The following LMNB2 variants were observed in gnomAD, a reference collection of about 807,000 sequenced individuals.
LMNB2 encodes lamin B2.
In LMNB2, 17 loss-of-function variants were observed where a neutral mutation model predicts 69.3. The ratio of observed to expected loss-of-function variants is 0.25; its 90% CI spans 0.17 to 0.37. The LOEUF (loss-of-function observed/expected upper bound fraction) is 0.37, where lower values mean the gene tolerates loss of function less well. LMNB2 is among the 10% of genes least tolerant of loss of function. The pLI, the probability that LMNB2 is intolerant of heterozygous loss-of-function variation, is 1.00. For synonymous variants in LMNB2, 397 were observed against 389.3 expected, an observed-to-expected ratio of 1.02 and a Z score of -0.23; for missense variants, 789 against 883.6, an observed-to-expected ratio of 0.89 and a Z score of 1.36.
rs1312582962 is a variant in LMNB2 at position 2,456,265 on chromosome 19, C to T, written c.264+405G>A. On this transcript the variant is annotated intron_variant, in intron 1 of 11. Transcript: ENST00000325327. Reference sequence around the variant, plus strand: ...GTGGGCTGGGCCTAGCCGAGCAGCACCCCTCACTCAGAAGCCCCCAAACCT... The same window carrying T: ...GTGGGCTGGGCCTAGCCGAGCAGCATCCCTCACTCAGAAGCCCCCAAACCT... Among the ~76,000 whole-genome samples the T allele has an allele frequency of 2.0e-5, 3 of 150,982 alleles. No individual in the cohort carries two copies. In the East Asian group the frequency reaches 5.9e-4, roughly 30 times the overall value.
At chr19:2,450,221 C>T (rs528320480) in intron 1 of LMNB2, among the ~76,000 whole-genome samples, 2 of 152,160 alleles carry the variant, frequency 1.3e-5, no homozygotes, top group South Asian at 4.1e-4. Flanking sequence ...CATCCTACTG[C>T]ACACCTGCCC....
At chr19:2,438,046 T>TA in intron 4 of LMNB2, 117 bp downstream of exon 4, 1 of 1,488,062 alleles carries the variant, frequency 6.7e-7, no homozygotes, top group Non-Finnish European at 9.3e-7. Flanking sequence ...GGAGCCTCCC[T>TA]AGAGCCGTGG....
chr19:2,448,334 A>G (rs575965681), intron 1 of LMNB2, among the ~76,000 whole-genome samples: 1 of 152,338 alleles, frequency 6.6e-6, no homozygotes, highest in South Asian at 2.1e-4. Context: ...TGGGGGTCAC[A>G]CACGAGCTCT....
At chr19:2,450,083 G>T (rs1599341154) in intron 1 of LMNB2, among the ~76,000 whole-genome samples, 1 of 127,656 alleles carries the variant, frequency 7.8e-6, no homozygotes, top group South Asian at 2.7e-4. Flanking sequence ...TCAAAAAAAA[G>T]AAAATAAAAT....
intron 11 of LMNB2, among the ~76,000 whole-genome samples, chr19:2,431,341 C>T (rs982869479): frequency 2.6e-5 from 4 of 152,176 alleles, no homozygotes; most frequent in East Asian, 1.9e-4. Context: ...TCTGTGATGT[C>T]GCAAATTCAC....
chr19:2,435,197 C>T, intron 4 of LMNB2, 26 bp from the exon 5 acceptor site: 2 of 1,597,366 alleles, frequency 1.3e-6, no homozygotes, highest in Non-Finnish European at 1.7e-6. Context: ...TCGTGACCCT[C>T]TGGTCCCGCC....
At chr19:2,452,415 CAG>C (rs1381270121) in intron 1 of LMNB2, among the ~76,000 whole-genome samples, 5 of 150,680 alleles carry the variant, frequency 3.3e-5, no homozygotes, top group Non-Finnish European at 5.9e-5. Context: ...GCCTGGGCGA[CAG>C]AGAGAGACTC....
chr19:2,438,032 G>C (rs1471199863), intron 4 of LMNB2, 131 bp downstream of exon 4: 8 of 1,385,312 alleles, frequency 5.8e-6, no homozygotes. Flanking sequence ...CTAAGAGGCA[G>C]GAAGGAGCCT....
At chr19:2,436,620 C>A (rs1379291461) in intron 4 of LMNB2, among the ~76,000 whole-genome samples, 6 of 144,150 alleles carry the variant, frequency 4.2e-5, no homozygotes, top group African/African-American at 5.1e-5. Context: ...TGCACTGCCG[C>A]CCTCCCACCC....
At chr19:2,441,518 G>T (rs60264467) in intron 2 of LMNB2, among the ~76,000 whole-genome samples, 2 of 152,310 alleles carry the variant, frequency 1.3e-5, no homozygotes, top group Admixed American at 1.3e-4. Flanking sequence ...AGGCCCTTTC[G>T]CTCAGAGGGC....
intron 4 of LMNB2, among the ~76,000 whole-genome samples, chr19:2,437,480 T>C (rs1367474963): frequency 6.6e-6 from 1 of 152,152 alleles, no homozygotes; most frequent in Non-Finnish European, 1.5e-5. Context: ...AGGCAAGAAA[T>C]CAAAATAGAC....
In LMNB2 at chr19:2,447,283, C is replaced by A. The variant is rs915000966; in HGVS notation, c.265-2743G>T. ...AGGTTCTGACACCACAGTGTGGATG[C>A]CCCTTGAGGATGTCACACTCATGAG... On this transcript the variant is annotated intron_variant, in intron 1 of 11. Transcript: ENST00000325327. This position sits in a 1 kb window ranked among gnomAD's most constrained non-coding sequence, Gnocchi z 4.4. 6.6e-6 allele frequency among the ~76,000 whole-genome samples: 1 copy of A among 152,176 alleles called. No individual in the cohort carries two copies. Among genetic ancestry groups the A allele is most frequent in the African/African-American group, 2.4e-5 (1 of 41,438 alleles).
intron 8 of LMNB2, 84 bp from the exon 9 acceptor site, chr19:2,432,607 C>T: frequency 8.8e-7 from 1 of 1,137,342 alleles, no homozygotes; most frequent in Non-Finnish European, 1.3e-6. Context: ...CCCCATCACC[C>T]TGACCCTGGT....
Position 2,432,296 on chromosome 19 carries a change from G to T in LMNB2, c.1590+120C>A, listed in dbSNP as rs936214060. On this transcript the variant is annotated intron_variant, in intron 9 of 11. Coordinates refer to ENST00000325327, the MANE Select transcript of LMNB2 (RefSeq NM_032737.4). ...TCTATGACTGCGGCAGCCGCTCTGA[G>T]ACGGTGCCTGGTGCCACCATCATCC... 6.3e-5 allele frequency: 53 copies of T among 839,046 alleles called. No homozygotes were observed. In the African/African-American group the frequency reaches 8.8e-4, roughly 14 times the overall value. 52.0% of individuals were successfully genotyped at this position (839,046 alleles called of 1,614,324 possible).
intron 9 of LMNB2, 135 bp downstream of exon 9, chr19:2,432,281 C>A (rs924111801): frequency 2.6e-6 from 2 of 763,572 alleles, no homozygotes; most frequent in Admixed American, 2.0e-5. Flanking sequence ...TCTATGACTG[C>A]GGCAGCCGCT....
rs1212251084 is a variant in LMNB2, at chr19:2,453,028, G to A, written c.264+3642C>T. Among the ~76,000 whole-genome samples, 1 of 145,018 alleles carries A rather than the reference G, an allele frequency of 6.9e-6. No homozygotes were observed. The highest frequency in any genetic ancestry group is 1.5e-5 in the Non-Finnish European group (1 of 65,420). On this transcript the variant is annotated intron_variant, in intron 1 of 11. Coordinates refer to ENST00000325327, the MANE Select transcript of LMNB2 (RefSeq NM_032737.4). This position sits in a 1 kb window ranked among gnomAD's most constrained non-coding sequence, Gnocchi z 4.4. The stretch of plus-strand genomic sequence containing the variant: ...CTAATGGGGGCTGGGTCATCCTCGT[G>A]GGGGCTGGGTCATCCTCGTGGGGGC...
At chr19:2,449,009 TGCCCCAATAGC>T (rs1971990040) in intron 1 of LMNB2, among the ~76,000 whole-genome samples, 1 of 152,188 alleles carries the variant, frequency 6.6e-6, no homozygotes, top group Non-Finnish European at 1.5e-5. Flanking sequence ...CTGTCTCAGC[TGCCCCAATAGC>T]TGGGACTATA....
intron 1 of LMNB2, among the ~76,000 whole-genome samples, chr19:2,446,180 G>A (rs2145465163): frequency 8.5e-6 from 1 of 118,206 alleles, no homozygotes; most frequent in African/African-American, 3.3e-5. Context: ...CTCGATCACA[G>A]GGATCTGTAG....
At position 2,438,183 on chromosome 19, in the gene LMNB2, G is replaced by A. The variant is rs769104940; in HGVS notation, c.664C>T (p.Arg222Trp). 3 of 1,613,862 alleles carry A rather than the reference G, an allele frequency of 1.9e-6. No individual in the cohort carries two copies. The highest frequency in any genetic ancestry group is 1.7e-5 in the Admixed American group (1 of 60,010). Reference protein sequence around the residue: ...CQSLQEELDFRKSVFEEEVRE... With the variant: ...CQSLQEELDFWKSVFEEEVRE... ...CTCACCTCCTCGAACACACTCTTCC[G>A]GAAGTCCAGCTCCTCCTGCAGGCTC... Residue 222 changes from arginine (R) to tryptophan (W), a missense_variant, in exon 4 of 12, where the codon CGG becomes TGG. This residue lies in a region of LMNB2 where 609 missense variants were observed against 630.9 expected (regional missense o/e 0.97). Coordinates refer to ENST00000325327, the MANE Select transcript of LMNB2 (RefSeq NM_032737.4).
Sources: gnomAD v4.1 joint callset for allele counts (sites outside exome capture counted in the v4.1 genomes callset) on GRCh38, gnomAD v4.1.1 for gene constraint, gnomAD v4.1.1 regional missense constraint, Gnocchi (gnomAD v3.1) non-coding constraint, MANE v1.5 for transcripts, NCBI Gene and HGNC (gene_info 2026-07-23, HGNC 2026-07-21) for gene names.